GLI3: variants seen among roughly 807,000 people sequenced by gnomAD.
GLI3 encodes GLI family zinc finger 3, also known as transcription activator GLI3.
A neutral mutation model predicts 100.8 loss-of-function variants in GLI3; 20 were observed. The observed-to-expected ratio is 0.20, with a 90% CI of 0.14 to 0.29. The LOEUF (loss-of-function observed/expected upper bound fraction) is 0.29, where lower values mean the gene tolerates loss of function less well. GLI3 is among the 10% of genes least tolerant of loss of function. The probability of loss-of-function intolerance (pLI) is 1.00; values close to 1 mark genes in which losing one functional copy is unlikely to be tolerated. For missense variants in GLI3, 2,040 were observed against 2,128.5 expected (o/e 0.96, Z 0.82); for synonymous variants, 938 against 860.5 (o/e 1.09, Z -1.58).
chr7:41,986,198 T>C (rs1449479162), intron 10 of GLI3, among the ~76,000 whole-genome samples: 2 of 152,248 alleles, frequency 1.3e-5, no homozygotes, highest in African/African-American at 4.8e-5. Flanking sequence ...AAAATACGCT[T>C]CTTGGTTAAA....
chr7:42,254,924 A>G (rs1789069828), intron 1 of GLI3, among the ~76,000 whole-genome samples: 1 of 151,690 alleles, frequency 6.6e-6, no homozygotes, highest in Non-Finnish European at 1.5e-5. Context: ...CTCTTAAAAT[A>G]AAATTCAAAA....
chr7:42,087,868 C>T (rs562068187), intron 3 of GLI3, among the ~76,000 whole-genome samples: 22 of 152,238 alleles, frequency 1.4e-4, no homozygotes, highest in African/African-American at 5.3e-4. Flanking sequence ...AAACTCTGAA[C>T]CCTCACTGTC....
chr7:42,006,371 G>C (rs1788461203), intron 10 of GLI3, among the ~76,000 whole-genome samples: 1 of 152,158 alleles, frequency 6.6e-6, no homozygotes, highest in Non-Finnish European at 1.5e-5. Flanking sequence ...GAAGAGGGTG[G>C]GCTGGGAGAC....
chr7:42,212,280 G>T (rs1788286937), intron 2 of GLI3, among the ~76,000 whole-genome samples: 1 of 152,022 alleles, frequency 6.6e-6, no homozygotes, highest in South Asian at 2.1e-4. Flanking sequence ...ATAACTCAAA[G>T]GATTTTAAAA....
intron 1 of GLI3, among the ~76,000 whole-genome samples, chr7:42,253,983 G>A (rs1789059472): frequency 6.6e-6 from 1 of 152,164 alleles, no homozygotes; most frequent in Non-Finnish European, 1.5e-5. Context: ...GCTCTGGGAG[G>A]CCGAGGCAGG....
intron 3 of GLI3, among the ~76,000 whole-genome samples, chr7:42,110,401 T>C (rs1785678554): frequency 6.6e-6 from 1 of 152,212 alleles, no homozygotes; most frequent in African/African-American, 2.4e-5. Flanking sequence ...TGGATGCCTA[T>C]TATGTGTCTG....
At chr7:42,005,453 T>TCA (rs1202320829) in intron 10 of GLI3, among the ~76,000 whole-genome samples, 1 of 60,356 alleles carries the variant, frequency 1.7e-5, no homozygotes, top group African/African-American at 9.0e-5. Context: ...TATCCTGAAT[T>TCA]CACATACACA....
Position 42,027,509 on chromosome 7 carries a change from G to T in GLI3, c.1029-1097C>A, listed in dbSNP as rs115407094. On this transcript the variant is annotated intron_variant, in intron 7 of 14. Coordinates refer to ENST00000395925, the MANE Select transcript of GLI3 (RefSeq NM_000168.6). Reference sequence around the variant, plus strand: ...GGGTTAATTACTATGGCTATTAAGCGCATTAAAGGAGAATAAAATAATTAC... The same window carrying T: ...GGGTTAATTACTATGGCTATTAAGCTCATTAAAGGAGAATAAAATAATTAC... Among the ~76,000 whole-genome samples the T allele has an allele frequency of 1.9e-3, 283 of 152,234 alleles. 1 individual carries two copies. Among genetic ancestry groups the T allele is most frequent in the African/African-American group, 6.2e-3 (256 of 41,516 alleles).
chr7:42,037,672 T>C (rs1231150877), intron 7 of GLI3, among the ~76,000 whole-genome samples: 7 of 152,182 alleles, frequency 4.6e-5, no homozygotes, highest in African/African-American at 1.2e-4. Context: ...GAGGACACAA[T>C]GGGCCCAGGC....
At chr7:42,088,977 A>G (rs1002113399) in intron 3 of GLI3, among the ~76,000 whole-genome samples, 7 of 152,146 alleles carry the variant, frequency 4.6e-5, no homozygotes, top group African/African-American at 1.7e-4. Context: ...TCAGGCTCTA[A>G]TGTGATCTCC....
At chr7:42,120,094 G>T (rs1785959210) in intron 3 of GLI3, among the ~76,000 whole-genome samples, 1 of 152,148 alleles carries the variant, frequency 6.6e-6, no homozygotes. Context: ...TAATTTGCGG[G>T]GGATGATAAT....
At chr7:42,242,194 T>C (rs779801453), upstream of GLI3, among the ~76,000 whole-genome samples, 2 of 152,216 alleles carry the variant, frequency 1.3e-5, no homozygotes, top group African/African-American at 4.8e-5. Flanking sequence ...CAGTGGTCTG[T>C]AGGGCAAATG....
At chr7:42,036,709 T>C (rs1258466735) in intron 7 of GLI3, among the ~76,000 whole-genome samples, 1 of 152,138 alleles carries the variant, frequency 6.6e-6, no homozygotes, top group Admixed American at 6.5e-5. Flanking sequence ...AAATTAGGTA[T>C]TAGAAAACAT....
At chr7:42,146,934 T>G (rs909437006) in intron 3 of GLI3, among the ~76,000 whole-genome samples, 3 of 152,226 alleles carry the variant, frequency 2.0e-5, no homozygotes, top group Admixed American at 1.3e-4. Context: ...CTTATTTCTG[T>G]ATCTGCAGAA....
At chr7:42,223,773 C>T (rs1788535289) in intron 1 of GLI3, among the ~76,000 whole-genome samples, 1 of 152,188 alleles carries the variant, frequency 6.6e-6, no homozygotes, top group Non-Finnish European at 1.5e-5. Context: ...AAGGCCTACT[C>T]CAAATTCTGA....
chr7:42,232,400 A>G (rs1465940658), intron 1 of GLI3, among the ~76,000 whole-genome samples: 2 of 152,212 alleles, frequency 1.3e-5, no homozygotes, highest in Non-Finnish European at 2.9e-5. Flanking sequence ...AAGTCGACAG[A>G]GTACACTTTC....
intron 3 of GLI3, among the ~76,000 whole-genome samples, chr7:42,115,369 A>C (rs918801878): frequency 3.3e-5 from 5 of 152,044 alleles, no homozygotes; most frequent in Admixed American, 3.3e-4. Context: ...GGAACTCCTG[A>C]CCTTAAGTGA....
chr7:42,118,919 C>A (rs1359314012), intron 3 of GLI3, among the ~76,000 whole-genome samples: 1 of 152,176 alleles, frequency 6.6e-6, no homozygotes, highest in Non-Finnish European at 1.5e-5. Context: ...CATCGTGAAA[C>A]CCAAAACTAT....
At chr7:42,017,727 G>GA (rs1194849428) in intron 10 of GLI3, among the ~76,000 whole-genome samples, 4 of 152,224 alleles carry the variant, frequency 2.6e-5, no homozygotes, top group African/African-American at 9.6e-5. Flanking sequence ...CTTGGCTTCA[G>GA]TCTAGCGTAC....
Sources: gnomAD v4.1 joint callset for allele counts (sites outside exome capture counted in the v4.1 genomes callset) on GRCh38, gnomAD v4.1.1 for gene constraint, MANE v1.5 for transcripts, NCBI Gene and HGNC (gene_info 2026-07-23, HGNC 2026-07-21) for gene names.